SEPTIN14: variants seen among roughly 807,000 people sequenced by gnomAD.
SEPTIN14 encodes septin-14.
A neutral mutation model predicts 53.6 loss-of-function variants in SEPTIN14; 40 were observed. The ratio of observed to expected loss-of-function variants is 0.75; its 90% CI spans 0.58 to 0.97. The LOEUF is 0.97. SEPTIN14 is among the 50% of genes least tolerant of loss of function. The pLI is 0.00. For missense variants in SEPTIN14, 471 were observed against 508.2 expected, an observed-to-expected ratio of 0.93 and a Z score of 0.70; for synonymous variants, 138 against 166.8, an observed-to-expected ratio of 0.83 and a Z score of 1.33.
intron 6 of SEPTIN14, among the ~76,000 whole-genome samples, chr7:55,821,831 C>T (rs1159215370): frequency 6.6e-6 from 1 of 152,126 alleles, no homozygotes; most frequent in African/African-American, 2.4e-5. Context: ...GAGAAACCAC[C>T]TATATTAGTC....
At chr7:55,796,241 T>C (rs1028412853) in intron 9 of SEPTIN14, 149 bp from the exon 10 acceptor site, 38 of 625,306 alleles carry the variant, frequency 6.1e-5, no homozygotes, top group Non-Finnish European at 1.0e-4. Flanking sequence ...GAGTAAACAC[T>C]GAGATATGGA....
intron 5 of SEPTIN14, among the ~76,000 whole-genome samples, chr7:55,834,892 G>A (rs1046585687): frequency 3.3e-5 from 5 of 152,204 alleles, no homozygotes; most frequent in African/African-American, 1.2e-4. Flanking sequence ...TGATCCGCCT[G>A]CCCCGGCCTC....
intron 6 of SEPTIN14, among the ~76,000 whole-genome samples, chr7:55,830,342 TATATATA>T (rs1175775821): frequency 0.011 from 467 of 44,048 alleles, 9 homozygotes; most frequent in African/African-American, 0.057. Flanking sequence ...TATATATATA[TATATATA>T]TTTTTTTTTT....
intron 7 of SEPTIN14, among the ~76,000 whole-genome samples, chr7:55,818,887 C>T (rs1788841778): frequency 6.6e-6 from 1 of 152,144 alleles, no homozygotes; most frequent in Non-Finnish European, 1.5e-5. Context: ...GAGGTTCTTC[C>T]CAGCCTCTGT....
At chr7:55,849,366 T>C (rs1789480169) in intron 2 of SEPTIN14, among the ~76,000 whole-genome samples, 1 of 150,854 alleles carries the variant, frequency 6.6e-6, no homozygotes, top group Admixed American at 6.6e-5. Flanking sequence ...AAATAGGAAA[T>C]AGGTCTTAGA....
intron 3 of SEPTIN14, among the ~76,000 whole-genome samples, 190 bp downstream of exon 3, chr7:55,846,327 C>T (rs1396015132): frequency 6.6e-6 from 1 of 151,598 alleles, no homozygotes; most frequent in Non-Finnish European, 1.5e-5. Context: ...CATTGCACTC[C>T]AGCCTGGGCA....
chr7:55,830,368 A>C (rs1397026218), intron 6 of SEPTIN14, among the ~76,000 whole-genome samples: 2 of 46,440 alleles, frequency 4.3e-5, no homozygotes, highest in Admixed American at 2.3e-4. Context: ...TTTTTTTGAG[A>C]CGGAGTCTCG....
intron 4 of SEPTIN14, among the ~76,000 whole-genome samples, chr7:55,843,452 A>G (rs1210312960): frequency 6.6e-6 from 1 of 152,222 alleles, no homozygotes; most frequent in East Asian, 1.9e-4. Flanking sequence ...GGCAAAGGAC[A>G]TGAATAGACA....
chr7:55,844,979 A>G (rs764756851), intron 3 of SEPTIN14, among the ~76,000 whole-genome samples: 3 of 151,658 alleles, frequency 2.0e-5, no homozygotes, highest in Non-Finnish European at 2.9e-5. Flanking sequence ...CAGTAAACTC[A>G]TGACATGAGG....
At chr7:55,806,962 A>G (rs1305854969) in intron 8 of SEPTIN14, 128 bp downstream of exon 8, 2 of 607,518 alleles carry the variant, frequency 3.3e-6, no homozygotes, top group Non-Finnish European at 5.5e-6. Context: ...CCTAACATTC[A>G]GGTGTTTTCT....
chr7:55,857,852 G>C (rs985803179), intron 2 of SEPTIN14, among the ~76,000 whole-genome samples: 2 of 152,034 alleles, frequency 1.3e-5, no homozygotes, highest in Non-Finnish European at 2.9e-5. Flanking sequence ...CTCCCAAAGT[G>C]CTGGGATTAC....
At chr7:55,818,472 C>CAA (rs61089405) in intron 7 of SEPTIN14, among the ~76,000 whole-genome samples, 3,136 of 85,526 alleles carry the variant, frequency 0.037, 201 homozygotes, top group African/African-American at 0.12. Context: ...AACTCTGTCT[C>CAA]AAAAAAAAAA....
chr7:55,841,923 T>G (rs548418559), intron 5 of SEPTIN14, among the ~76,000 whole-genome samples: 78 of 150,152 alleles, frequency 5.2e-4, no homozygotes, highest in African/African-American at 1.9e-3. Flanking sequence ...TAGTCCCAGC[T>G]ACTTGGGAGG....
intron 5 of SEPTIN14, among the ~76,000 whole-genome samples, chr7:55,837,122 T>G (rs1001932607): frequency 1.3e-5 from 2 of 150,858 alleles, no homozygotes; most frequent in African/African-American, 4.9e-5. Flanking sequence ...TTTTTTTTTT[T>G]TGAGAGAGAG....
intron 2 of SEPTIN14, among the ~76,000 whole-genome samples, chr7:55,847,805 C>T (rs1789439217): frequency 6.6e-6 from 1 of 152,114 alleles, no homozygotes; most frequent in Non-Finnish European, 1.5e-5. Flanking sequence ...ACTAATAACA[C>T]CATTCTAGAA....
chr7:55,861,909 A>C, intron 2 of SEPTIN14, 34 bp downstream of exon 2: 1 of 1,358,318 alleles, frequency 7.4e-7, no homozygotes, highest in South Asian at 1.4e-5. Flanking sequence ...TTGAAGTACA[A>C]AATGCAGAGT....
intron 2 of SEPTIN14, among the ~76,000 whole-genome samples, chr7:55,854,120 C>CA (rs879675569): frequency 4.2e-4 from 58 of 137,946 alleles, no homozygotes; most frequent in South Asian, 1.4e-3. Flanking sequence ...AACCCTGTCT[C>CA]AAAAAAAAAA....
chr7:55,841,532 C>T lies in SEPTIN14; in HGVS notation c.558+1410G>A, dbSNP rs537576257. Among the ~76,000 whole-genome samples, 42 of 152,082 alleles carry T rather than the reference C, an allele frequency of 2.8e-4. No individual in the cohort carries two copies. The South Asian group carries it at 8.5e-3, about 31-fold the overall frequency. On this transcript the variant is annotated intron_variant, in intron 5 of 9. Transcript: ENST00000388975. ...GTCAGGAGTTCAAGACCAGCCTGGC[C>T]AACATGGCAAGACTCCGTCTCTATT... is the stretch of plus-strand genomic sequence containing the variant.
rs144704372 is a variant in SEPTIN14 at position 55,838,267 on chromosome 7, G to A, written c.559-3681C>T. On this transcript the variant is annotated intron_variant, in intron 5 of 9. Coordinates refer to ENST00000388975, the MANE Select transcript of SEPTIN14 (RefSeq NM_207366.3). ...CTTAGCTGTTTCTATATAACAAGCA[G>A]TAGCTGCCTGCAGGCTCTTGTATCT... is the stretch of plus-strand genomic sequence containing the variant. 1.3e-4 allele frequency among the ~76,000 whole-genome samples: 20 copies of A among 152,280 alleles called. No individual in the cohort carries two copies. The East Asian group carries it at 3.9e-3, about 29-fold the overall frequency.
Sources: allele counts gnomAD v4.1 joint callset (sites outside exome capture counted in the v4.1 genomes callset), GRCh38; gene constraint gnomAD v4.1.1; transcripts MANE v1.5; gene names NCBI Gene and HGNC (gene_info 2026-07-23, HGNC 2026-07-21).